The following MAN2B2 variants were observed in gnomAD, a reference collection of about 807,000 sequenced individuals.
MAN2B2 encodes the protein epididymis-specific alpha-mannosidase.
MAN2B2 carries 106 observed loss-of-function variants against 117.1 expected under a neutral mutation model. That is an observed-to-expected ratio of 0.90 (90% confidence interval 0.77 to 1.06). MAN2B2 has a LOEUF of 1.06. Among genes scored for constraint, MAN2B2 ranks in the 50% least tolerant of loss-of-function variants. The pLI is 0.00. For missense variants in MAN2B2, 1,326 were observed against 1,381.4 expected, an observed-to-expected ratio of 0.96 and a Z score of 0.64; for synonymous variants, 544 against 595.1, an observed-to-expected ratio of 0.91 and a Z score of 1.25.
rs866434520 is a variant in MAN2B2 at position 6,593,150 on chromosome 4, C to T, written c.681-23C>T. 14 of 1,610,938 alleles carry T rather than the reference C, an allele frequency of 8.7e-6. No individual in the cohort carries two copies. In the African/African-American group the frequency reaches 1.6e-4, roughly 18 times the overall value. ...TGTCCACAGAGTTCGTGTCTTCTGC[C>T]CTAACCTTCTGCCCTCGCACAGGTC... On this transcript the variant is annotated intron_variant, in intron 5 of 18. Transcript: ENST00000285599.
intron 3 of MAN2B2, among the ~76,000 whole-genome samples, chr4:6,581,051 A>G (rs1484232607): frequency 6.6e-6 from 1 of 152,112 alleles, no homozygotes. Flanking sequence ...CATGATAACC[A>G]CCTTGTTCTA....
intron 17 of MAN2B2, chr4:6,618,474 G>A (rs1712001921): frequency 6.6e-6 from 1 of 152,264 alleles, no homozygotes; most frequent in Non-Finnish European, 1.5e-5. Flanking sequence ...TTCCCCCCAT[G>A]TAAAATGGGG....
intron 5 of MAN2B2, among the ~76,000 whole-genome samples, chr4:6,589,549 C>T (rs1726779719): frequency 6.6e-6 from 1 of 152,104 alleles, no homozygotes; most frequent in African/African-American, 2.4e-5. Flanking sequence ...CCCTATTCTG[C>T]AGTTTTTGAC....
intron 4 of MAN2B2, among the ~76,000 whole-genome samples, chr4:6,588,686 G>A (rs1412550838): frequency 6.6e-6 from 1 of 152,138 alleles, no homozygotes; most frequent in Non-Finnish European, 1.5e-5. Flanking sequence ...CTGCACTCCT[G>A]GGTGACAGAG....
Position 6,580,399 on chromosome 4 carries a change from G to A in MAN2B2, c.391+1901G>A, listed in dbSNP as rs528784365. On this transcript the variant is annotated intron_variant, in intron 3 of 18. Coordinates refer to ENST00000285599, the MANE Select transcript of MAN2B2 (RefSeq NM_015274.3). ...CCCCTGCTCTTTCACTCCCCCATGTGAAGTGTGGGCAAGGGATCTATCCCA... is the reference window on the plus strand; with the variant it reads ...CCCCTGCTCTTTCACTCCCCCATGTAAAGTGTGGGCAAGGGATCTATCCCA... Among the ~76,000 whole-genome samples the A allele has an allele frequency of 2.4e-4, 37 of 152,290 alleles. No individual in the cohort carries two copies. In the South Asian group the frequency reaches 6.0e-3, roughly 25 times the overall value.
intron 15 of MAN2B2, 25 bp downstream of exon 15, chr4:6,611,303 A>ACAT (rs1224147663): frequency 7.6e-6 from 12 of 1,571,368 alleles, no homozygotes; most frequent in Middle Eastern, 4.0e-4. Context: ...TTTCAGAGTA[A>ACAT]CATCATCACT....
At chr4:6,575,421 T>C (rs1726018691) in intron 1 of MAN2B2, 73 bp downstream of exon 1, 1 of 1,242,728 alleles carries the variant, frequency 8.0e-7, no homozygotes, top group Admixed American at 2.9e-5. Flanking sequence ...GAGTGTGGGT[T>C]TGCGTCCCGG....
chr4:6,591,785 A>AC (rs1726870187), intron 5 of MAN2B2, among the ~76,000 whole-genome samples: 1 of 151,332 alleles, frequency 6.6e-6, no homozygotes, highest in Non-Finnish European at 1.5e-5. Flanking sequence ...ATGGACCAGG[A>AC]CCCCCCGGGG....
At chr4:6,576,127 G>C (rs1012476076) in intron 1 of MAN2B2, among the ~76,000 whole-genome samples, 1 of 152,132 alleles carries the variant, frequency 6.6e-6, no homozygotes, top group African/African-American at 2.4e-5. Context: ...GGGACAGCCT[G>C]GGGAGCTCTT....
rs202194425 is a variant in MAN2B2, at chr4:6,609,906, A to G, written c.2115A>G (p.Gln705=). 12 of 1,614,116 alleles carry G rather than the reference A, an allele frequency of 7.4e-6. No individual in the cohort carries two copies. The East Asian group carries it at 2.7e-4, about 36-fold the overall frequency. The change falls in exon 13 of 19, where the codon CAA becomes CAG. Residue 705 remains glutamine (Q), a synonymous_variant. Transcript: ENST00000285599. ...GCCACCGGATAGAGCAGGAGTACCA[A>G]GCCGGCCCCCTGGAGCTGAACCGTG... ...LLCHRIEQEY[Q]AGPLELNREA...
intron 3 of MAN2B2, among the ~76,000 whole-genome samples, chr4:6,580,021 C>T (rs1002794712): frequency 6.6e-6 from 1 of 152,248 alleles, no homozygotes; most frequent in Admixed American, 6.5e-5. Context: ...ACAGTCACTC[C>T]ACTACAGCAT....
chr4:6,578,706 C>T (rs1726164120), intron 3 of MAN2B2, among the ~76,000 whole-genome samples: 1 of 152,124 alleles, frequency 6.6e-6, no homozygotes, highest in African/African-American at 2.4e-5. Context: ...ATGCTAGAGT[C>T]AGATGGTCTC....
intron 10 of MAN2B2, among the ~76,000 whole-genome samples, 158 bp from the exon 11 acceptor site, chr4:6,604,897 G>A (rs1179537332): frequency 6.6e-6 from 1 of 152,070 alleles, no homozygotes; most frequent in Non-Finnish European, 1.5e-5. Context: ...GTGGTTTGTG[G>A]GGGTCCAAGG....
chr4:6,575,424 C>A, intron 1 of MAN2B2, 76 bp downstream of exon 1: 1 of 1,181,608 alleles, frequency 8.5e-7, no homozygotes, highest in Non-Finnish European at 1.1e-6. Flanking sequence ...TGTGGGTTTG[C>A]GTCCCGGGGC....
intron 18 of MAN2B2, 142 bp downstream of exon 18, chr4:6,620,186 C>A: frequency 1.5e-6 from 1 of 666,900 alleles, no homozygotes; most frequent in Non-Finnish European, 2.5e-6. Context: ...GAACCCGCAG[C>A]CCTCCCAAAT....
chr4:6,610,144 C>CAG, intron 13 of MAN2B2, 94 bp downstream of exon 13: 1 of 1,508,178 alleles, frequency 6.6e-7, no homozygotes. Flanking sequence ...CAGTAGAGGC[C>CAG]TCCAGTGAGA....
At chr4:6,610,184 T>C in intron 13 of MAN2B2, 134 bp downstream of exon 13, 1 of 1,272,806 alleles carries the variant, frequency 7.9e-7, no homozygotes, top group Non-Finnish European at 1.1e-6. Context: ...TAAGATGGAG[T>C]CTCACTCTGT....
intron 3 of MAN2B2, among the ~76,000 whole-genome samples, chr4:6,579,413 CCAT>C (rs1726331741): frequency 1.5e-5 from 2 of 137,276 alleles, no homozygotes; most frequent in African/African-American, 2.6e-5. Context: ...ACCACCATCA[CCAT>C]CACCACCACC....
In MAN2B2 at chr4:6,609,864, T is replaced by C. The variant is rs1727698717; in HGVS notation, c.2073T>C (p.His691=). ...GGCTCACCCATGTGCCGCAGGGCCA[T>C]GACGGGGAGCTGCTCTGCCACCGGA... ...RSRLTHVPQG[H]DGELLCHRIE... is the part of the protein sequence containing the mutation. The change falls in exon 13 of 19, where the codon CAT becomes CAC. Residue 691 remains histidine (H), a synonymous_variant. Transcript: ENST00000285599. The C allele has an allele frequency of 6.2e-7, 1 of 1,614,104 alleles. No individual in the cohort carries two copies. Among genetic ancestry groups the C allele is most frequent in the East Asian group, 2.2e-5 (1 of 44,870 alleles).
Sources: gnomAD v4.1 joint callset for allele counts (sites outside exome capture counted in the v4.1 genomes callset) on GRCh38, gnomAD v4.1.1 for gene constraint, MANE v1.5 for transcripts, NCBI Gene and HGNC (gene_info 2026-07-23, HGNC 2026-07-21) for gene names.